Variants in FBXO17 observed in about 807,000 individuals in gnomAD.
FBXO17 encodes F-box only protein 17.
FBXO17 carries 43 observed loss-of-function variants against 34.1 expected under a neutral mutation model. The observed-to-expected ratio is 1.26, with a 90% confidence interval of 0.99 to 1.62. The LOEUF is 1.62. Among genes scored for constraint, FBXO17 ranks in the 40% most tolerant of loss-of-function variants. The probability of loss-of-function intolerance (pLI) is 0.00; values close to 1 mark genes in which losing one functional copy is unlikely to be tolerated. For synonymous variants in FBXO17, 169 were observed against 166.0 expected (o/e 1.02, Z -0.14); for missense variants, 424 against 386.7 (o/e 1.10, Z -0.81).
intron 2 of FBXO17, chr19:38,949,736 G>A: frequency 1.7e-6 from 1 of 577,156 alleles, no homozygotes; most frequent in Non-Finnish European, 3.0e-6. Flanking sequence ...TTTCTCCCCC[G>A]GCCCAGCCAG....
rs55839664 is a variant in FBXO17, at chr19:38,944,256, C to CATTATT, written c.693+707_693+712dup. 3.5e-3 allele frequency among the ~76,000 whole-genome samples: 511 copies of CATTATT among 146,552 alleles called. 5 individuals carry two copies. The highest frequency in any genetic ancestry group is 0.015 in the East Asian group (75 of 4,954). ...AAGCAGTGAGACTTCTGATCTGACT[C>CATTATT]ATTATTATTATTATTATTATTATTA... On this transcript the variant is annotated intron_variant, in intron 5 of 5. Transcript: ENST00000292852.
chr19:38,949,246 C>T (rs1360957080), intron 2 of FBXO17, among the ~76,000 whole-genome samples: 9 of 152,134 alleles, frequency 5.9e-5, no homozygotes, highest in African/African-American at 1.7e-4. Flanking sequence ...GGATTACAGG[C>T]GTGCACCACC....
intron 1 of FBXO17, among the ~76,000 whole-genome samples, chr19:38,968,809 A>G (rs1975353422): frequency 1.3e-5 from 2 of 152,238 alleles, no homozygotes; most frequent in African/African-American, 4.8e-5. Flanking sequence ...GACACATATT[A>G]TATGATGTGC....
At chr19:38,957,590 C>T (rs950650675) in intron 1 of FBXO17, among the ~76,000 whole-genome samples, 15 of 152,110 alleles carry the variant, frequency 9.9e-5, no homozygotes, top group Admixed American at 6.6e-4. Flanking sequence ...GTGATCCGCC[C>T]GCCTAGGCCT....
chr19:38,975,107 T>C lies in FBXO17; in HGVS notation c.-18+479A>G, dbSNP rs1030412431. On this transcript the variant is annotated intron_variant, in intron 1 of 5. Coordinates refer to ENST00000292852, the MANE Select transcript of FBXO17 (RefSeq NM_024907.7). The surrounding 1 kb of genome is among the most constrained non-coding windows in gnomAD (Gnocchi z 4.9). ...AGGGTTGGGGCCGCAGCGAAACACA[T>C]AATGTGCCCAAGTTGCTAAATCGAG... is the stretch of plus-strand genomic sequence containing the variant. Among the ~76,000 whole-genome samples, 8 of 152,086 alleles carry C rather than the reference T, an allele frequency of 5.3e-5. No homozygotes were observed. The highest frequency in any genetic ancestry group is 7.4e-5 in the Non-Finnish European group (5 of 68,004).
chr19:38,950,247 G>A lies in FBXO17; in HGVS notation c.73C>T (p.Leu25=). ...ACGTGGCTCAGCACCTGCACCAGCAGCTCCGGGGGCAGCGCGTCCAGGGCC... is the reference window on the plus strand; with the variant it reads ...ACGTGGCTCAGCACCTGCACCAGCAACTCCGGGGGCAGCGCGTCCAGGGCC... The part of the protein sequence containing the change: ...SLALDALPPE[L]LVQVLSHVPP... The change falls in exon 2 of 6, where the codon CTG becomes TTG. Residue 25 remains leucine (L), a synonymous_variant. Transcript: ENST00000292852. 1.3e-6 allele frequency: 2 copies of A among 1,517,450 alleles called. No individual in the cohort carries two copies. The highest frequency in any genetic ancestry group is 2.5e-5 in the South Asian group (2 of 81,028). 94.0% of individuals were successfully genotyped at this position (1,517,450 alleles called of 1,614,324 possible).
At chr19:38,966,131 G>A (rs1178284069) in intron 1 of FBXO17, among the ~76,000 whole-genome samples, 1 of 149,918 alleles carries the variant, frequency 6.7e-6, no homozygotes, top group African/African-American at 2.5e-5. Context: ...TACCACGCCC[G>A]GCTAATTTTT....
intron 1 of FBXO17, among the ~76,000 whole-genome samples, chr19:38,972,908 C>T (rs1011101392): frequency 4.6e-5 from 7 of 151,994 alleles, no homozygotes; most frequent in Non-Finnish European, 8.8e-5. Context: ...TACAGGTACC[C>T]GCCATCATGC....
intron 3 of FBXO17, among the ~76,000 whole-genome samples, chr19:38,948,353 C>T (rs1366166534): frequency 6.6e-6 from 1 of 152,222 alleles, no homozygotes; most frequent in Non-Finnish European, 1.5e-5. Flanking sequence ...AGCATTGCTG[C>T]CTGTGGTTGC....
intron 1 of FBXO17, among the ~76,000 whole-genome samples, chr19:38,959,581 A>G (rs1163215977): frequency 1.3e-5 from 2 of 151,568 alleles, no homozygotes; most frequent in Admixed American, 6.6e-5. Flanking sequence ...CAATTTGTGC[A>G]CTTTCTATAA....
At chr19:38,961,336 C>T (rs1975247668) in intron 1 of FBXO17, among the ~76,000 whole-genome samples, 1 of 147,030 alleles carries the variant, frequency 6.8e-6, no homozygotes, top group Non-Finnish European at 1.5e-5. Context: ...AGTGCAGTAG[C>T]ATGATCTCAG....
At chr19:38,966,529 A>G (rs1382699347) in intron 1 of FBXO17, among the ~76,000 whole-genome samples, 3 of 152,178 alleles carry the variant, frequency 2.0e-5, no homozygotes, top group African/African-American at 7.2e-5. Context: ...GGGAACACTT[A>G]GATTTGCAAA....
At chr19:38,943,707 C>T (rs979500306) in intron 5 of FBXO17, among the ~76,000 whole-genome samples, 4 of 152,330 alleles carry the variant, frequency 2.6e-5, no homozygotes, top group Admixed American at 2.0e-4. Context: ...TCTCCCGCCT[C>T]AGTCTCCCCA....
chr19:38,946,208 G>A (rs1395856695), intron 4 of FBXO17: 6 of 543,488 alleles, frequency 1.1e-5, no homozygotes. Flanking sequence ...TCGTTTCAGA[G>A]GGGTATCAAG....
intron 4 of FBXO17, 85 bp downstream of exon 4, chr19:38,946,387 T>C: frequency 6.3e-7 from 1 of 1,589,284 alleles, no homozygotes; most frequent in African/African-American, 1.3e-5. Flanking sequence ...ACCCGTGGGG[T>C]TGATGGGGCG....
intron 1 of FBXO17, among the ~76,000 whole-genome samples, chr19:38,973,556 G>A (rs1447441394): frequency 7.5e-6 from 1 of 133,110 alleles, no homozygotes; most frequent in Non-Finnish European, 1.7e-5. Flanking sequence ...TTCTAAAAGA[G>A]ATTACATACT....
intron 1 of FBXO17, among the ~76,000 whole-genome samples, chr19:38,956,196 G>A (rs1006873573): frequency 2.6e-5 from 4 of 151,440 alleles, no homozygotes; most frequent in Admixed American, 1.3e-4. Flanking sequence ...AACCCGGGAG[G>A]TGGAGGTTGC....
Position 38,965,300 on chromosome 19 carries a change from T to C in FBXO17, c.-18+10286A>G, listed in dbSNP as rs191169840. Among the ~76,000 whole-genome samples, 4 of 151,476 alleles carry C rather than the reference T, an allele frequency of 2.6e-5. No homozygotes were observed. The East Asian group carries it at 5.8e-4, about 22-fold the overall frequency. ...ATGTGGCCCACCCTCTTTTCAATGC[T>C]CCACTGTGGCCATCTCAACATTCTT... On this transcript the variant is annotated intron_variant, in intron 1 of 5. Coordinates refer to ENST00000292852, the MANE Select transcript of FBXO17 (RefSeq NM_024907.7).
Position 38,969,924 on chromosome 19 carries a change from A to T in FBXO17, c.-18+5662T>A, listed in dbSNP as rs145493067. ...ACTGGACATTTTTTACTGAAGTAAA[A>T]ATGAAAATGTGCCTGCCCCATGACC... On this transcript the variant is annotated intron_variant, in intron 1 of 5. Coordinates refer to ENST00000292852, the MANE Select transcript of FBXO17 (RefSeq NM_024907.7). 9.0e-4 allele frequency among the ~76,000 whole-genome samples: 137 copies of T among 151,930 alleles called. 2 individuals are homozygous for T. The highest frequency in any genetic ancestry group is 8.9e-3 in the East Asian group (46 of 5,154).
Sources: gnomAD v4.1 joint callset for allele counts (sites outside exome capture counted in the v4.1 genomes callset) on GRCh38, gnomAD v4.1.1 for gene constraint, Gnocchi (gnomAD v3.1) non-coding constraint, MANE v1.5 for transcripts, NCBI Gene and HGNC (gene_info 2026-07-23, HGNC 2026-07-21) for gene names.